The following HK1 variants were observed in gnomAD, a reference collection of about 807,000 sequenced individuals.
HK1 encodes the protein hexokinase 1, also known as hexokinase-1.
HK1 carries 28 observed loss-of-function variants against 91.6 expected under a neutral mutation model. The ratio of observed to expected loss-of-function variants is 0.31; its 90% CI spans 0.23 to 0.42. The LOEUF (loss-of-function observed/expected upper bound fraction) is 0.42. Ranked by LOEUF, HK1 falls within the 10% of genes least tolerant of loss-of-function variation. The pLI is 1.00. For missense variants in HK1, 770 were observed against 1,219.8 expected (o/e 0.63, Z 5.49); for synonymous variants, 430 against 468.1 (o/e 0.92, Z 1.05).
upstream of HK1, chr10:69,315,918 T>C: frequency 6.2e-7 from 1 of 1,611,250 alleles, no homozygotes; most frequent in South Asian, 1.1e-5. Context: ...CATCCCAGGT[T>C]CCTGCCCTGT....
rs1024816736 is a variant in HK1 at position 69,299,903 on chromosome 10, G to A, written c.-66-866G>A. On this transcript the variant is annotated intron_variant, in intron 4 of 21. Transcript: ENST00000360289. ...TCTTGAACTCCTGACCTCATGATTC[G>A]CCTGCCTTGGCCTCCCAAAGTGCTG... Among the ~76,000 whole-genome samples, 22 of 151,146 alleles carry A rather than the reference G, an allele frequency of 1.5e-4. 1 individual carries two copies. The highest frequency in any genetic ancestry group is 4.2e-4 in the African/African-American group (17 of 40,782).
intron 1 of HK1, chr10:69,271,133 A>G (rs1205979333): frequency 6.6e-6 from 1 of 152,190 alleles, no homozygotes; most frequent in East Asian, 1.9e-4. Flanking sequence ...AGAAAGATAT[A>G]TAAATATCTG....
intron 4 of HK1, among the ~76,000 whole-genome samples, chr10:69,298,393 C>T (rs1447241461): frequency 1.3e-5 from 2 of 151,492 alleles, no homozygotes; most frequent in African/African-American, 4.9e-5. Context: ...TTTAAAAGAC[C>T]AAGGAGAGGA....
intron 1 of HK1, among the ~76,000 whole-genome samples, 154 bp from the exon 2 acceptor site, chr10:69,343,673 A>G (rs1024592453): frequency 1.3e-5 from 2 of 152,192 alleles, no homozygotes; most frequent in African/African-American, 2.4e-5. Context: ...TCTGGGTGAC[A>G]TGGATGACAG....
rs141653110 is a variant in HK1, at chr10:69,296,749, G to T, written c.-67+1069G>T. Among the ~76,000 whole-genome samples the T allele has an allele frequency of 2.4e-3, 360 of 152,318 alleles. 3 individuals carry two copies. Among genetic ancestry groups the T allele is most frequent in the South Asian group, 0.013 (65 of 4,822 alleles). ...CCTGCAAAAATGGGAAAAAGCTGGG[G>T]AGACTGAGGAGGTTGGATGGGACTG... On this transcript the variant is annotated intron_variant, in intron 4 of 21. Coordinates refer to the HK1 transcript ENST00000360289.
At chr10:69,400,881 C>T in intron 17 of HK1, 110 bp from the exon 18 acceptor site, 1 of 1,186,190 alleles carries the variant, frequency 8.4e-7, no homozygotes, top group Non-Finnish European at 1.3e-6. Flanking sequence ...TCGAAGAATC[C>T]TAAGTCGAAT....
chr10:69,349,820 T>C (rs1848756968), intron 2 of HK1, among the ~76,000 whole-genome samples: 1 of 152,192 alleles, frequency 6.6e-6, no homozygotes, highest in Non-Finnish European at 1.5e-5. Flanking sequence ...CAAAGAATAT[T>C]GAACTAACCT....
rs747446381 is a variant in HK1 at position 69,361,697 on chromosome 10, CAG to C, written c.375+1653_375+1654del. Among the ~76,000 whole-genome samples, 19 of 152,352 alleles carry C rather than the reference CAG, an allele frequency of 1.2e-4. No individual in the cohort carries two copies. The South Asian group carries it at 3.9e-3, about 32-fold the overall frequency. On this transcript the variant is annotated intron_variant, in intron 3 of 17. Coordinates refer to ENST00000359426, the MANE Select transcript of HK1 (RefSeq NM_000188.3). ...CTCTATCCCCATCGTCCCCTCTTCTCAGTCCTAGAATCACTTTATTTCCTACT... is the reference window on the plus strand; with the variant it reads ...CTCTATCCCCATCGTCCCCTCTTCTCTCCTAGAATCACTTTATTTCCTACT...
chr10:69,336,499 C>T (rs1363362466), intron 1 of HK1, among the ~76,000 whole-genome samples: 1 of 149,106 alleles, frequency 6.7e-6, no homozygotes, highest in Non-Finnish European at 1.5e-5. Flanking sequence ...CCTATTATTG[C>T]ATCTTTAAAA....
intron 1 of HK1, among the ~76,000 whole-genome samples, chr10:69,335,583 C>T (rs1353854864): frequency 6.6e-6 from 1 of 152,216 alleles, no homozygotes; most frequent in Non-Finnish European, 1.5e-5. Flanking sequence ...CCAGTCTCTG[C>T]AAGTATGTCG....
rs374101112 is a variant in HK1 at position 69,286,585 on chromosome 10, G to A, written c.-214-2086G>A. On this transcript the variant is annotated intron_variant, in intron 2 of 21. Coordinates refer to the HK1 transcript ENST00000360289. ...TTTTTTGAGATGGAGTTTCGCTCTC[G>A]TTGTCCTGGCTGGAGTGCAATGGTG... 2.7e-4 allele frequency among the ~76,000 whole-genome samples: 41 copies of A among 150,444 alleles called. No individual in the cohort carries two copies. The East Asian group carries it at 7.4e-3, about 27-fold the overall frequency.
chr10:69,335,254 C>T (rs905148261), intron 1 of HK1, among the ~76,000 whole-genome samples: 3 of 152,214 alleles, frequency 2.0e-5, no homozygotes, highest in Admixed American at 6.5e-5. Context: ...GCACAGACCA[C>T]GGTGCGGGCC....
intron 1 of HK1, among the ~76,000 whole-genome samples, chr10:69,273,938 T>C (rs1589425775): frequency 6.6e-6 from 1 of 152,320 alleles, no homozygotes; most frequent in East Asian, 1.9e-4. Context: ...CCTGTAGGAC[T>C]GTTTGTGTTG....
intron 1 of HK1, among the ~76,000 whole-genome samples, chr10:69,279,728 A>G (rs534903180): frequency 1.1e-4 from 16 of 152,216 alleles, no homozygotes; most frequent in Non-Finnish European, 2.2e-4. Context: ...AGGAAACCAC[A>G]TGTGAGAGGT....
intron 16 of HK1, 24 bp downstream of exon 16, chr10:69,395,129 C>T: frequency 6.2e-7 from 1 of 1,611,008 alleles, no homozygotes; most frequent in Non-Finnish European, 8.5e-7. Flanking sequence ...GTCTTCCCTG[C>T]CAGCGCCCAC....
chr10:69,329,452 C>T (rs1368749625), intron 1 of HK1, among the ~76,000 whole-genome samples: 7 of 152,228 alleles, frequency 4.6e-5, no homozygotes, highest in Admixed American at 6.5e-5. Flanking sequence ...TGAGCCACCG[C>T]GCCCGGCCAG....
At chr10:69,379,023 C>T (rs1015324658) in intron 8 of HK1, among the ~76,000 whole-genome samples, 20 of 152,126 alleles carry the variant, frequency 1.3e-4, no homozygotes, top group South Asian at 2.1e-4. Context: ...GTTTGAGGTT[C>T]GTGCCGCAGT....
At chr10:69,392,022 C>A (rs147084352) in intron 14 of HK1, 103 bp from the exon 15 acceptor site, 1 of 1,073,556 alleles carries the variant, frequency 9.3e-7, no homozygotes, top group Non-Finnish European at 1.4e-6. Flanking sequence ...TCACAAAAAA[C>A]GTGCCCCCTG....
At chr10:69,316,117 A>C, upstream of HK1, 3 of 968,754 alleles carry the variant, frequency 3.1e-6, no homozygotes, top group Non-Finnish European at 5.1e-6. Context: ...AAGGAAGGGA[A>C]TATGAGCGGC....
Sources: gnomAD v4.1 joint callset for allele counts (sites outside exome capture counted in the v4.1 genomes callset) on GRCh38, gnomAD v4.1.1 for gene constraint, MANE v1.5 for transcripts, NCBI Gene and HGNC (gene_info 2026-07-23, HGNC 2026-07-21) for gene names.